The following SLAIN1 variants were observed in gnomAD, a reference collection of about 807,000 sequenced individuals.
SLAIN1 encodes the protein SLAIN family member 1.
SLAIN1 carries 17 observed loss-of-function variants against 55.4 expected under a neutral mutation model. The observed-to-expected ratio is 0.31, with a 90% CI of 0.21 to 0.46. The LOEUF (loss-of-function observed/expected upper bound fraction) is 0.46, where lower values mean the gene tolerates loss of function less well. Among genes scored for constraint, SLAIN1 ranks in the 20% least tolerant of loss-of-function variants. The probability of loss-of-function intolerance (pLI) is 1.00; values close to 1 mark genes in which losing one functional copy is unlikely to be tolerated. For missense variants in SLAIN1, 682 were observed against 785.1 expected, an observed-to-expected ratio of 0.87 and a Z score of 1.57; for synonymous variants, 348 against 337.4, an observed-to-expected ratio of 1.03 and a Z score of -0.35.
At chr13:77,707,765 A>T (rs1282760403) in intron 1 of SLAIN1, among the ~76,000 whole-genome samples, 1 of 152,224 alleles carries the variant, frequency 6.6e-6, no homozygotes, top group Non-Finnish European at 1.5e-5. Context: ...CAGAATTCTA[A>T]CGAGTCAGCA....
chr13:77,724,529 T>A (rs1286143876), intron 2 of SLAIN1, among the ~76,000 whole-genome samples: 1 of 152,194 alleles, frequency 6.6e-6, no homozygotes, highest in Non-Finnish European at 1.5e-5. Flanking sequence ...AGTGTGGTTT[T>A]ATAAGAGAAT....
chr13:77,752,530 A>G (rs192651467), intron 4 of SLAIN1, among the ~76,000 whole-genome samples: 1 of 152,136 alleles, frequency 6.6e-6, no homozygotes, highest in Non-Finnish European at 1.5e-5. Flanking sequence ...AAATGTATAT[A>G]TGAAGGGGCA....
At chr13:77,747,811 T>G (rs1442322769) in intron 4 of SLAIN1, among the ~76,000 whole-genome samples, 1 of 152,164 alleles carries the variant, frequency 6.6e-6, no homozygotes, top group Non-Finnish European at 1.5e-5. Flanking sequence ...GTCATTCGTT[T>G]ATTCTATCTC....
chr13:77,698,657 G>A lies in SLAIN1; in HGVS notation c.626+118G>A. 1.5e-6 allele frequency: 2 copies of A among 1,291,690 alleles called. No homozygotes were observed. The highest frequency in any genetic ancestry group is 2.3e-5 in the South Asian group (1 of 43,382). 80.0% of individuals were successfully genotyped at this position (1,291,690 alleles called of 1,614,324 possible). A position where few individuals can be genotyped will look rare whatever the true frequency, so the allele number is the denominator to read the frequency against. ...GCGGCAGCCGGGGTGACTCCCCGCG[G>A]CTCCCGGAGGGGCCGACCCAGCAGG... On this transcript the variant is annotated intron_variant, in intron 1 of 6. Transcript: ENST00000418532. This position sits in a 1 kb window ranked among gnomAD's most constrained non-coding sequence, Gnocchi z 4.1.
chr13:77,761,793 C>T (rs1875043229), intron 6 of SLAIN1, among the ~76,000 whole-genome samples: 1 of 151,850 alleles, frequency 6.6e-6, no homozygotes, highest in Non-Finnish European at 1.5e-5. Flanking sequence ...AGCTCTTGGT[C>T]ATGATGTTCC....
chr13:77,754,540 C>T (rs1874464214), intron 5 of SLAIN1, among the ~76,000 whole-genome samples: 1 of 152,192 alleles, frequency 6.6e-6, no homozygotes, highest in Non-Finnish European at 1.5e-5. Flanking sequence ...CTATCATATT[C>T]TAGCTCCACG....
At chr13:77,712,114 A>G (rs2091157834) in intron 1 of SLAIN1, among the ~76,000 whole-genome samples, 1 of 152,224 alleles carries the variant, frequency 6.6e-6, no homozygotes, top group Non-Finnish European at 1.5e-5. Context: ...CCAGTATCAT[A>G]CTGAATTGGC....
At chr13:77,712,500 C>T (rs1489827460) in intron 1 of SLAIN1, among the ~76,000 whole-genome samples, 1 of 152,126 alleles carries the variant, frequency 6.6e-6, no homozygotes, top group Non-Finnish European at 1.5e-5. Flanking sequence ...AAATACAACT[C>T]ACAAGAAATG....
intron 4 of SLAIN1, 58 bp from the exon 5 acceptor site, chr13:77,753,145 G>A: frequency 6.8e-7 from 1 of 1,460,632 alleles, no homozygotes; most frequent in East Asian, 2.4e-5. Context: ...GCTTTTGAAA[G>A]CTAGTACTTT....
At position 77,698,646 on chromosome 13, in the gene SLAIN1, G is replaced by A; in HGVS notation, c.626+107G>A. ...GGGGTCCCCTCGCGGCAGCCGGGGT[G>A]ACTCCCCGCGGCTCCCGGAGGGGCC... On this transcript the variant is annotated intron_variant, in intron 1 of 6. Transcript: ENST00000418532. This position sits in a 1 kb window ranked among gnomAD's most constrained non-coding sequence, Gnocchi z 4.1. 1 of 1,303,152 alleles carries A rather than the reference G, an allele frequency of 7.7e-7. No homozygotes were observed. The highest frequency in any genetic ancestry group is 9.7e-7 in the Non-Finnish European group (1 of 1,027,490). The allele number at this position is 1,303,152 out of a possible 1,614,324, so 80.7% of individuals were successfully genotyped here.
At chr13:77,740,538 C>G (rs879575547) in intron 2 of SLAIN1, among the ~76,000 whole-genome samples, 2 of 145,808 alleles carry the variant, frequency 1.4e-5, no homozygotes, top group Non-Finnish European at 3.0e-5. Flanking sequence ...GCCCCCCCCC[C>G]CTTTTTTTAT....
intron 5 of SLAIN1, among the ~76,000 whole-genome samples, chr13:77,754,596 A>G (rs1874469444): frequency 6.6e-6 from 1 of 152,094 alleles, no homozygotes; most frequent in Admixed American, 6.6e-5. Flanking sequence ...TTCTTCGTTC[A>G]GTTTACTCCT....
chr13:77,761,859 T>C (rs999265925), intron 6 of SLAIN1, among the ~76,000 whole-genome samples: 4 of 152,086 alleles, frequency 2.6e-5, no homozygotes, highest in African/African-American at 9.7e-5. Flanking sequence ...AAAAGTGGTT[T>C]GAGGAGAGAT....
At chr13:77,744,191 G>A (rs1873654097) in intron 2 of SLAIN1, 92 bp from the exon 3 acceptor site, 1 of 957,722 alleles carries the variant, frequency 1.0e-6, no homozygotes, top group Admixed American at 1.8e-5. Flanking sequence ...GAAAACATGA[G>A]ACAAATTGCT....
In SLAIN1 at chr13:77,697,910, C is replaced by T; in HGVS notation, c.-4C>T. 7.2e-7 allele frequency: 1 copy of T among 1,394,450 alleles called. No individual in the cohort carries two copies. The highest frequency in any genetic ancestry group is 9.4e-7 in the Non-Finnish European group (1 of 1,064,934). The allele number at this position is 1,394,450 out of a possible 1,614,324, so 86.4% of individuals were successfully genotyped here. ...CGGCGGCCGCGGCGCCCTCGGGGCC[C>T]ACGATGATGGCGGAGCAGGTGAAAT... On this transcript the variant is annotated 5_prime_UTR_variant, in exon 1 of 7. Transcript: ENST00000418532.
chr13:77,748,398 CTTTTTTTTTTT>C (rs934265928), intron 4 of SLAIN1, among the ~76,000 whole-genome samples: 9 of 79,554 alleles, frequency 1.1e-4, no homozygotes, highest in African/African-American at 4.1e-4. Flanking sequence ...TTCTCTAAAG[CTTTTTTTTTTT>C]TTTTTTTTTT....
intron 5 of SLAIN1, among the ~76,000 whole-genome samples, chr13:77,756,114 C>T (rs1346072878): frequency 6.6e-6 from 1 of 151,992 alleles, no homozygotes; most frequent in Non-Finnish European, 1.5e-5. Flanking sequence ...CTTGTTTTCT[C>T]AGTTGTAAAA....
intron 1 of SLAIN1, among the ~76,000 whole-genome samples, chr13:77,708,247 G>A (rs1387309717): frequency 1.3e-5 from 2 of 152,158 alleles, no homozygotes; most frequent in African/African-American, 2.4e-5. Context: ...TTACTGTGGT[G>A]TTCCCCTACA....
chr13:77,702,558 C>G (rs1388700917), intron 1 of SLAIN1, among the ~76,000 whole-genome samples: 1 of 152,126 alleles, frequency 6.6e-6, no homozygotes, highest in Admixed American at 6.5e-5. Flanking sequence ...TAACTGCATA[C>G]TAGACCTTCC....
Sources: gnomAD v4.1 joint callset for allele counts (sites outside exome capture counted in the v4.1 genomes callset) on GRCh38, gnomAD v4.1.1 for gene constraint, Gnocchi (gnomAD v3.1) non-coding constraint, MANE v1.5 for transcripts, NCBI Gene and HGNC (gene_info 2026-07-23, HGNC 2026-07-21) for gene names.